Variants in TTC34 observed in about 807,000 individuals in gnomAD.
TTC34 encodes tetratricopeptide repeat protein 34.
A neutral mutation model predicts 40.7 loss-of-function variants in TTC34; 44 were observed. The observed-to-expected ratio is 1.08, with a 90% CI of 0.85 to 1.39. The LOEUF is 1.39. TTC34 is among the 40% of genes most tolerant of loss of function. TTC34 has a pLI of 0.00. For synonymous variants in TTC34, 422 were observed against 398.6 expected (o/e 1.06, Z -0.70); for missense variants, 884 against 838.0 (o/e 1.05, Z -0.68).
chr1:2,773,063 G>C, intron 6 of TTC34, among the ~76,000 whole-genome samples: 1 of 151,382 alleles, frequency 6.6e-6, no homozygotes, highest in Non-Finnish European at 1.5e-5. Context: ...CACACCCCCA[G>C]GTGAGCCTCT....
intron 6 of TTC34, among the ~76,000 whole-genome samples, chr1:2,685,102 T>G (rs567437781): frequency 6.1e-4 from 84 of 138,520 alleles, no homozygotes; most frequent in Non-Finnish European, 1.0e-3. Context: ...CGTGACAGCT[T>G]GGATCAGCAC....
At chr1:2,750,698 C>A (rs1402481288) in intron 6 of TTC34, among the ~76,000 whole-genome samples, 8 of 96,998 alleles carry the variant, frequency 8.2e-5, no homozygotes, top group African/African-American at 1.2e-4. Flanking sequence ...CCCAAGTGAG[C>A]ATCCGACAGC....
intron 6 of TTC34, among the ~76,000 whole-genome samples, chr1:2,682,101 C>T (rs1570801172): frequency 6.9e-6 from 1 of 145,890 alleles, no homozygotes; most frequent in African/African-American, 2.5e-5. Context: ...GGAGCAGCAC[C>T]CACACCCCCA....
chr1:2,783,647 C>T, exon 6 of TTC34: 1 of 1,482,732 alleles, frequency 6.7e-7, no homozygotes, highest in South Asian at 1.3e-5. Flanking sequence ...AACGCCCGTC[C>T]ACACAGTGCC....
exon 2 of TTC34, chr1:2,800,543 G>A (rs539680089): frequency 1.0e-5 from 4 of 398,456 alleles, no homozygotes; most frequent in Non-Finnish European, 8.9e-6. Context: ...GGCAGAGGGC[G>A]CCGAGGAAGG....
chr1:2,779,569 C>T (rs1170391735), intron 6 of TTC34, among the ~76,000 whole-genome samples: 1 of 152,158 alleles, frequency 6.6e-6, no homozygotes, highest in Non-Finnish European at 1.5e-5. Flanking sequence ...GTGATCCACC[C>T]TCCTTGGCCT....
At chr1:2,684,939 C>G (rs1640256668) in intron 6 of TTC34, among the ~76,000 whole-genome samples, 1 of 140,614 alleles carries the variant, frequency 7.1e-6, no homozygotes, top group African/African-American at 2.9e-5. Flanking sequence ...CATCCGACAG[C>G]CTGGAGCACC....
At chr1:2,784,990 T>TGCTCTGGGCCGCTCTGGGCC (rs782068224) in intron 5 of TTC34, among the ~76,000 whole-genome samples, 26 of 150,950 alleles carry the variant, frequency 1.7e-4, no homozygotes, top group East Asian at 1.6e-3. Flanking sequence ...CGCTCTGGGC[T>TGCTCTGGGCCGCTCTGGGCC]GCTCTGGGCC....
At chr1:2,648,083 T>C (rs191466212) in intron 6 of TTC34, among the ~76,000 whole-genome samples, 43 of 152,314 alleles carry the variant, frequency 2.8e-4, no homozygotes, top group Non-Finnish European at 5.9e-4. Flanking sequence ...TTTACATGTT[T>C]ATGTCACTGC....
At chr1:2,759,687 T>TCA (rs1641629094) in intron 6 of TTC34, among the ~76,000 whole-genome samples, 2 of 31,184 alleles carry the variant, frequency 6.4e-5, no homozygotes, top group African/African-American at 1.7e-4. Flanking sequence ...AACCCCAGGC[T>TCA]TGCATCCGAC....
chr1:2,790,367 G>T, intron 2 of TTC34, 21 bp from the exon 3 acceptor site: 1 of 398,548 alleles, frequency 2.5e-6, no homozygotes, highest in South Asian at 1.3e-4. Flanking sequence ...AAACAGAGGC[G>T]TGGGTTCTGC....
At chr1:2,781,135 G>C (rs1188048269) in intron 6 of TTC34, among the ~76,000 whole-genome samples, 2 of 152,120 alleles carry the variant, frequency 1.3e-5, no homozygotes, top group Non-Finnish European at 2.9e-5. Context: ...CGAATCCACA[G>C]CCAAATGCAG....
chr1:2,692,427 C>A (rs1211359751), intron 6 of TTC34, among the ~76,000 whole-genome samples: 2 of 119,940 alleles, frequency 1.7e-5, no homozygotes, highest in East Asian at 4.4e-4. Context: ...CCCACACCCC[C>A]AGGTGAGCAT....
chr1:2,756,553 G>T, intron 6 of TTC34, among the ~76,000 whole-genome samples: 1 of 151,928 alleles, frequency 6.6e-6, no homozygotes, highest in Admixed American at 6.5e-5. Flanking sequence ...CACACTCCAG[G>T]TGAGCATCTG....
chr1:2,688,016 A>C (rs1640444769), intron 6 of TTC34, among the ~76,000 whole-genome samples: 10 of 136,432 alleles, frequency 7.3e-5, no homozygotes, highest in African/African-American at 2.7e-4. Context: ...CCCCCAGGCG[A>C]GCATCTGACT....
chr1:2,685,968 G>C (rs1269516130), intron 6 of TTC34, among the ~76,000 whole-genome samples: 1 of 87,920 alleles, frequency 1.1e-5, no homozygotes. Flanking sequence ...ACCCACAGGC[G>C]AGCATCTGAC....
At chr1:2,698,890 C>A (rs576470329) in intron 6 of TTC34, among the ~76,000 whole-genome samples, 83 of 149,848 alleles carry the variant, frequency 5.5e-4, no homozygotes, top group African/African-American at 2.0e-3. Flanking sequence ...CACCCACACC[C>A]CCAGGTGAGC....
intron 6 of TTC34, among the ~76,000 whole-genome samples, chr1:2,649,479 C>T (rs1455495540): frequency 1.3e-5 from 2 of 151,140 alleles, no homozygotes; most frequent in Admixed American, 1.3e-4. Flanking sequence ...GCAGCACTCA[C>T]CACCCCAAGG....
intron 6 of TTC34, among the ~76,000 whole-genome samples, chr1:2,749,645 CAG>C (rs1641253675): frequency 1.7e-5 from 2 of 114,746 alleles, no homozygotes; most frequent in East Asian, 2.5e-4. Context: ...CCCCCACACC[CAG>C]AGGTGAGCAT....
Sources: allele counts gnomAD v4.1 joint callset (sites outside exome capture counted in the v4.1 genomes callset), GRCh38; gene constraint gnomAD v4.1.1; transcripts MANE v1.5; gene names NCBI Gene and HGNC (gene_info 2026-07-23, HGNC 2026-07-21).